Variants in RGPD3 observed in about 807,000 individuals in gnomAD.
RGPD3 encodes the protein ranBP2-like and GRIP domain-containing protein 3.
RGPD3 carries 62 observed loss-of-function variants against 154.5 expected under a neutral mutation model. The observed-to-expected ratio is 0.40, with a 90% CI of 0.33 to 0.50. RGPD3 has a LOEUF of 0.50. Ranked by LOEUF, RGPD3 falls within the 20% of genes least tolerant of loss-of-function variation. RGPD3 has a pLI of 0.59. For missense variants in RGPD3, 919 were observed against 1,716.8 expected, an observed-to-expected ratio of 0.54 and a Z score of 8.21; for synonymous variants, 308 against 607.0, an observed-to-expected ratio of 0.51 and a Z score of 7.24.
At chr2:106,448,831 T>A (rs1678013727) in intron 6 of RGPD3, among the ~76,000 whole-genome samples, 1 of 151,514 alleles carries the variant, frequency 6.6e-6, no homozygotes, top group South Asian at 2.1e-4. Context: ...GCTGGGACTA[T>A]AGGCGCGTAC....
At chr2:106,450,696 A>C in intron 6 of RGPD3, among the ~76,000 whole-genome samples, 1 of 61,614 alleles carries the variant, frequency 1.6e-5, no homozygotes. Context: ...ACAGAGCGAG[A>C]CTCTGTCTCA....
rs1382133409 is a variant in RGPD3, at chr2:106,424,056, T to A, written c.3911A>T (p.Lys1304Met). The change falls in exon 20 of 23, where the codon AAG becomes ATG. Residue 1304 changes from lysine (K) to methionine (M), a missense_variant. Transcript: ENST00000409886. ...FSFKSALSLS[K>M]SPAKLNQSGT... The stretch of plus-strand genomic sequence containing the variant: ...ACTCTGATTCAACTTGGCAGGAGAC[T>A]TAGATAGACTCAAAGCAGATTTAAA... 33 of 1,611,454 alleles carry A rather than the reference T, an allele frequency of 2.0e-5. 2 individuals are homozygous for A. Among genetic ancestry groups the A allele is most frequent in the South Asian group, 1.8e-4 (16 of 90,950 alleles).
chr2:106,467,056 G>A (rs1335628823), intron 1 of RGPD3, among the ~76,000 whole-genome samples: 1 of 101,404 alleles, frequency 9.9e-6, no homozygotes, highest in Non-Finnish European at 2.1e-5. Flanking sequence ...TAACAGCGCC[G>A]GTCGGGAGCC....
chr2:106,448,945 C>T (rs1678019694), intron 6 of RGPD3, among the ~76,000 whole-genome samples: 1 of 151,100 alleles, frequency 6.6e-6, no homozygotes, highest in Non-Finnish European at 1.5e-5. Flanking sequence ...CCCGCCTTGG[C>T]CTCCCAAAGT....
chr2:106,403,406 TAC>T lies in RGPD3; in HGVS notation c.*1811_*1812del, dbSNP rs1459409597. ...ACATAAAAGAGCTGCCATAAAAATA[TAC>T]AGTTAAACATATTTAATAGAAATAT... On this transcript the variant is annotated 3_prime_UTR_variant, in exon 23 of 23. Transcript: ENST00000409886. Among the ~76,000 whole-genome samples the T allele has an allele frequency of 2.0e-5, 3 of 152,018 alleles. No individual in the cohort carries two copies. Among genetic ancestry groups the T allele is most frequent in the Admixed American group, 6.6e-5 (1 of 15,250 alleles).
chr2:106,421,983 T>C (rs1677004816), intron 20 of RGPD3, among the ~76,000 whole-genome samples: 1 of 151,164 alleles, frequency 6.6e-6, no homozygotes, highest in South Asian at 2.1e-4. Context: ...AAGTACTTCA[T>C]TTCATACAGC....
At chr2:106,406,195 AACTT>A (rs1436849017) in intron 22 of RGPD3, among the ~76,000 whole-genome samples, 7 of 147,716 alleles carry the variant, frequency 4.7e-5, no homozygotes, top group Middle Eastern at 3.7e-3. Flanking sequence ...ATTGAGGTAC[AACTT>A]ACTTATAGTA....
intron 1 of RGPD3, among the ~76,000 whole-genome samples, chr2:106,465,232 AT>A (rs1678532515): frequency 6.6e-6 from 1 of 151,670 alleles, no homozygotes; most frequent in Non-Finnish European, 1.5e-5. Flanking sequence ...TTTACCTTCT[AT>A]CCAAAGCACC....
intron 1 of RGPD3, among the ~76,000 whole-genome samples, chr2:106,462,202 A>G (rs1411525685): frequency 6.6e-6 from 1 of 152,012 alleles, no homozygotes; most frequent in Non-Finnish European, 1.5e-5. Context: ...TTCAAAATGA[A>G]GAAATAGATT....
intron 1 of RGPD3, among the ~76,000 whole-genome samples, chr2:106,464,425 G>C (rs1250185359): frequency 6.6e-6 from 1 of 151,196 alleles, no homozygotes; most frequent in Non-Finnish European, 1.5e-5. Context: ...GTGTTACTCA[G>C]AAGTATGAAG....
At position 106,415,903 on chromosome 2, in the gene RGPD3, C is replaced by T. The variant is rs745382711; in HGVS notation, c.5011G>A (p.Gly1671Ser). ...GTTGCCTCTATTTCCCGAAGCAGGCCGTTTAAGTGATCTGCACTTTTTGTG... is the reference window on the plus strand; with the variant it reads ...GTTGCCTCTATTTCCCGAAGCAGGCTGTTTAAGTGATCTGCACTTTTTGTG... ...STTKSADHLN[G>S]LLREIEATNA... Residue 1671 changes from glycine to serine, a missense_variant, in exon 21 of 23, where the codon GGC becomes AGC. Coordinates refer to ENST00000409886, the MANE Select transcript of RGPD3 (RefSeq NM_001144013.2). The T allele has an allele frequency of 2.4e-5, 38 of 1,611,670 alleles. No homozygotes were observed. The highest frequency in any genetic ancestry group is 2.0e-4 in the Admixed American group (12 of 59,960).
chr2:106,410,579 T>A (rs1573237790), intron 22 of RGPD3, among the ~76,000 whole-genome samples: 1 of 152,174 alleles, frequency 6.6e-6, no homozygotes, highest in African/African-American at 2.4e-5. Flanking sequence ...GATAATATCA[T>A]TGTTGTATTG....
intron 9 of RGPD3, among the ~76,000 whole-genome samples, chr2:106,438,326 TAAA>T (rs796847938): frequency 2.1e-4 from 30 of 144,176 alleles, no homozygotes; most frequent in African/African-American, 7.1e-4. Context: ...CTCTACCAAT[TAAA>T]AAAAAAAAAT....
intron 20 of RGPD3, among the ~76,000 whole-genome samples, chr2:106,421,749 C>T (rs911185029): frequency 2.6e-5 from 4 of 151,694 alleles, no homozygotes; most frequent in Middle Eastern, 3.2e-3. Flanking sequence ...TGTATACATG[C>T]CGTTGCCACT....
intron 1 of RGPD3, among the ~76,000 whole-genome samples, chr2:106,465,584 A>T (rs1678547700): frequency 6.8e-6 from 1 of 146,472 alleles, no homozygotes; most frequent in African/African-American, 2.5e-5. Flanking sequence ...AGCTTGTTTA[A>T]AAAAAAAAAA....
intron 8 of RGPD3, among the ~76,000 whole-genome samples, chr2:106,440,103 C>T (rs763190853): frequency 3.2e-5 from 3 of 94,184 alleles, no homozygotes; most frequent in Non-Finnish European, 4.4e-5. Flanking sequence ...GACAGATTAG[C>T]GGTTGCCAAG....
At position 106,424,535 on chromosome 2, in the gene RGPD3, T is replaced by A; in HGVS notation, c.3432A>T (p.Leu1144=). ...TTTTAAATTTTGCTGCCAATCGCTC[T>A]AGTTTGGCATCACCATCAGAGAAAT... ...ASDFSDGDAK[L]ERLAAKFKTP... The change falls in exon 20 of 23, where the codon CTA becomes CTT. Residue 1144 remains leucine (L), a synonymous_variant. Coordinates refer to ENST00000409886, the MANE Select transcript of RGPD3 (RefSeq NM_001144013.2). 6 of 1,608,274 alleles carry A rather than the reference T, an allele frequency of 3.7e-6. No individual in the cohort carries two copies. Among genetic ancestry groups the A allele is most frequent in the Non-Finnish European group, 4.2e-6 (5 of 1,179,256 alleles).
intron 22 of RGPD3, among the ~76,000 whole-genome samples, chr2:106,407,440 A>G (rs1676549208): frequency 6.6e-6 from 1 of 152,026 alleles, no homozygotes; most frequent in African/African-American, 2.4e-5. Flanking sequence ...GAACTTCTAG[A>G]AAGTAGAAGG....
chr2:106,407,763 C>T (rs565963188), intron 22 of RGPD3, among the ~76,000 whole-genome samples: 1 of 152,002 alleles, frequency 6.6e-6, no homozygotes, highest in African/African-American at 2.4e-5. Context: ...TTTGCTCTTG[C>T]CTTGGAAGGC....
Sources: allele counts gnomAD v4.1 joint callset (sites outside exome capture counted in the v4.1 genomes callset), GRCh38; gene constraint gnomAD v4.1.1; transcripts MANE v1.5; gene names NCBI Gene and HGNC (gene_info 2026-07-23, HGNC 2026-07-21).